The following AGTPBP1 variants were observed in gnomAD, a reference collection of about 807,000 sequenced individuals.
AGTPBP1 encodes cytosolic carboxypeptidase 1.
In AGTPBP1, 70 loss-of-function variants were observed where a neutral mutation model predicts 143.9. That is an observed-to-expected ratio of 0.49 (90% CI 0.40 to 0.59). The LOEUF is 0.59. AGTPBP1 is among the 20% of genes least tolerant of loss of function. The pLI is 0.00. For missense variants in AGTPBP1, 1,229 were observed against 1,464.5 expected (o/e 0.84, Z 2.62); for synonymous variants, 463 against 500.2 (o/e 0.93, Z 0.99).
intron 1 of AGTPBP1, among the ~76,000 whole-genome samples, chr9:85,717,701 T>G (rs2134559186): frequency 6.6e-6 from 1 of 151,866 alleles, no homozygotes; most frequent in African/African-American, 2.4e-5. Flanking sequence ...TTAATATACT[T>G]TAAGTTCTAG....
chr9:85,749,718 T>C, the AGTPBP1 span, among the ~76,000 whole-genome samples: 2 of 152,086 alleles, frequency 1.3e-5, no homozygotes, highest in Non-Finnish European at 2.9e-5. Flanking sequence ...CCCTAAATCA[T>C]AGGATTGTTG....
At chr9:85,558,393 C>G (rs1311698044) in intron 25 of AGTPBP1, among the ~76,000 whole-genome samples, 1 of 152,056 alleles carries the variant, frequency 6.6e-6, no homozygotes, top group African/African-American at 2.4e-5. Context: ...TGGAACAAGA[C>G]AGGGTGATTG....
At chr9:85,638,319 C>A (rs1832218088) in intron 13 of AGTPBP1, among the ~76,000 whole-genome samples, 1 of 151,688 alleles carries the variant, frequency 6.6e-6, no homozygotes, top group Non-Finnish European at 1.5e-5. Flanking sequence ...TAAATGGATA[C>A]AGTTTATGTA....
At chr9:85,653,563 G>C (rs900412959) in intron 11 of AGTPBP1, among the ~76,000 whole-genome samples, 1 of 152,128 alleles carries the variant, frequency 6.6e-6, no homozygotes, top group Non-Finnish European at 1.5e-5. Flanking sequence ...CCGCAGCACA[G>C]GGAAGACTCA....
intron 1 of AGTPBP1, among the ~76,000 whole-genome samples, chr9:85,723,334 G>C (rs1838255300): frequency 6.6e-6 from 1 of 152,246 alleles, no homozygotes; most frequent in Non-Finnish European, 1.5e-5. Context: ...GCTCCACCCA[G>C]TTCGAGCTTC....
chr9:85,603,621 T>C (rs1829808228), intron 17 of AGTPBP1, among the ~76,000 whole-genome samples: 2 of 150,920 alleles, frequency 1.3e-5, no homozygotes, highest in Admixed American at 1.3e-4. Context: ...GAGAGAAGAG[T>C]AAAGGGGATT....
intron 8 of AGTPBP1, among the ~76,000 whole-genome samples, chr9:85,669,188 T>C (rs1322110991): frequency 6.6e-6 from 1 of 151,838 alleles, no homozygotes; most frequent in Admixed American, 6.6e-5. Flanking sequence ...TAAATGTTTC[T>C]GAATGAATAC....
the AGTPBP1 span, among the ~76,000 whole-genome samples, chr9:85,772,604 T>G: frequency 1.3e-5 from 2 of 152,060 alleles, no homozygotes; most frequent in African/African-American, 4.8e-5. Context: ...TTTAAAAAAC[T>G]TAGCCAGGCA....
intron 25 of AGTPBP1, among the ~76,000 whole-genome samples, chr9:85,572,766 A>C (rs1030736432): frequency 2.6e-5 from 4 of 152,172 alleles, no homozygotes; most frequent in African/African-American, 9.7e-5. Flanking sequence ...GAGAATTGAC[A>C]ATTTTTATAT....
At chr9:85,555,396 G>A (rs754524734) in intron 25 of AGTPBP1, among the ~76,000 whole-genome samples, 1 of 152,050 alleles carries the variant, frequency 6.6e-6, no homozygotes, top group Non-Finnish European at 1.5e-5. Context: ...TCAGGAAATC[G>A]AGACCATCCT....
intron 25 of AGTPBP1, 73 bp from the exon 26 acceptor site, chr9:85,547,359 T>C: frequency 7.8e-7 from 1 of 1,275,398 alleles, no homozygotes. Context: ...TATTTCACCA[T>C]ACTGGACTAA....
At chr9:85,761,726 T>C in the AGTPBP1 span, among the ~76,000 whole-genome samples, 4 of 152,174 alleles carry the variant, frequency 2.6e-5, no homozygotes, top group African/African-American at 4.8e-5. Flanking sequence ...AAGGACTTCA[T>C]GTCTAAAACA....
intron 14 of AGTPBP1, among the ~76,000 whole-genome samples, chr9:85,628,284 T>C (rs1343511932): frequency 6.6e-6 from 1 of 152,120 alleles, no homozygotes; most frequent in African/African-American, 2.4e-5. Flanking sequence ...AACTCCATAG[T>C]GAAATATGGT....
chr9:85,571,315 C>G (rs189951291), intron 25 of AGTPBP1, among the ~76,000 whole-genome samples: 131 of 152,148 alleles, frequency 8.6e-4, no homozygotes, highest in Non-Finnish European at 1.5e-3. Flanking sequence ...GCAGTGATAG[C>G]CTGGGAAATC....
chr9:85,744,278 A>AT (rs1364939225), upstream of AGTPBP1, among the ~76,000 whole-genome samples: 1 of 152,128 alleles, frequency 6.6e-6, no homozygotes, highest in African/African-American at 2.4e-5. Context: ...TTCAATCTTA[A>AT]TTGAACAACT....
chr9:85,688,804 A>C (rs1335907907), intron 3 of AGTPBP1, among the ~76,000 whole-genome samples: 1 of 152,222 alleles, frequency 6.6e-6, no homozygotes, highest in African/African-American at 2.4e-5. Context: ...ATATCATTTA[A>C]ATACATAAGT....
chr9:85,737,846 G>T (rs1823905630), intron 1 of AGTPBP1, among the ~76,000 whole-genome samples: 1 of 152,082 alleles, frequency 6.6e-6, no homozygotes, highest in South Asian at 2.1e-4. Flanking sequence ...ATCGGAAAAG[G>T]CTATTAAAAT....
intron 17 of AGTPBP1, among the ~76,000 whole-genome samples, chr9:85,601,778 G>A (rs1829689084): frequency 6.6e-6 from 1 of 152,306 alleles, no homozygotes; most frequent in African/African-American, 2.4e-5. Context: ...GTCATGCTGG[G>A]TCCTAAGGAC....
At chr9:85,614,216 T>C (rs1830481859) in intron 17 of AGTPBP1, among the ~76,000 whole-genome samples, 2 of 151,846 alleles carry the variant, frequency 1.3e-5, no homozygotes, top group Admixed American at 6.6e-5. Context: ...TCAAAAACAA[T>C]GAAAGACACA....
Sources: allele counts gnomAD v4.1 joint callset (sites outside exome capture counted in the v4.1 genomes callset), GRCh38; gene constraint gnomAD v4.1.1; transcripts MANE v1.5; gene names NCBI Gene and HGNC (gene_info 2026-07-23, HGNC 2026-07-21).